The following CHID1 variants were observed in gnomAD, a reference collection of about 807,000 sequenced individuals.
CHID1 encodes chitinase domain-containing protein 1.
Under a neutral mutation model 55.4 loss-of-function variants are expected in CHID1, and 44 were observed. That is an observed-to-expected ratio of 0.79 (90% CI 0.62 to 1.02). The LOEUF (loss-of-function observed/expected upper bound fraction) is 1.02. CHID1 is among the 50% of genes least tolerant of loss of function. The pLI is 0.00. For missense variants in CHID1, 491 were observed against 515.3 expected (o/e 0.95, Z 0.46); for synonymous variants, 216 against 212.9 (o/e 1.01, Z -0.13).
chr11:914,547 C>T, upstream of CHID1: 2 of 1,289,402 alleles, frequency 1.6e-6, no homozygotes, highest in Non-Finnish European at 2.0e-6. Context: ...GGTCCCCAGC[C>T]TGAGGATGCC....
At chr11:892,165 C>T (rs1275466999) in intron 8 of CHID1, among the ~76,000 whole-genome samples, 4 of 152,136 alleles carry the variant, frequency 2.6e-5, no homozygotes, top group East Asian at 3.9e-4. Flanking sequence ...GCCCCACACC[C>T]GGGACACAGG....
chr11:885,306 G>A (rs918219045), intron 8 of CHID1, among the ~76,000 whole-genome samples: 25 of 152,300 alleles, frequency 1.6e-4, no homozygotes, highest in Middle Eastern at 6.8e-3. Context: ...TCTGAGGAGC[G>A]CCTCTCCAGA....
intron 8 of CHID1, among the ~76,000 whole-genome samples, chr11:886,105 C>T (rs1421507194): frequency 8.5e-5 from 12 of 141,174 alleles, no homozygotes; most frequent in African/African-American, 2.9e-4. Flanking sequence ...GAGCCGAGAT[C>T]GTGCCACTGC....
rs568353515 is a variant in CHID1 at position 875,008 on chromosome 11, C to A, written c.960-4509G>T. The A allele has an allele frequency of 2.0e-5, 3 of 152,534 alleles. No homozygotes were observed. Among genetic ancestry groups the A allele is most frequent in the Non-Finnish European group, 2.9e-5 (2 of 68,168 alleles). The allele number at this position is 152,534 out of a possible 1,614,324, so 9.4% of individuals were successfully genotyped here. On this transcript the variant is annotated intron_variant, in intron 10 of 12. Coordinates refer to ENST00000323578, the MANE Select transcript of CHID1 (RefSeq NM_023947.4). This position sits in a 1 kb window ranked among gnomAD's most constrained non-coding sequence, Gnocchi z 4.7. ...CCTCAGGAGCCCCCACAGGGCTCTGCAGCCAGCTCCAAGGAACGGGTCCAA... is the reference window on the plus strand; with the variant it reads ...CCTCAGGAGCCCCCACAGGGCTCTGAAGCCAGCTCCAAGGAACGGGTCCAA...
At chr11:902,935 C>T (rs1305587717) in intron 3 of CHID1, 27 bp downstream of exon 3, 1 of 1,607,056 alleles carries the variant, frequency 6.2e-7, no homozygotes, top group Non-Finnish European at 8.5e-7. Context: ...CAGGACCTCC[C>T]TCTGCACTGT....
chr11:869,641 G>C lies in CHID1; in HGVS notation c.*217C>G, dbSNP rs553724393. 425 of 589,154 alleles carry C rather than the reference G, an allele frequency of 7.2e-4. 6 individuals are homozygous for C. The South Asian group carries it at 8.4e-3, about 12-fold the overall frequency. The allele number at this position is 589,154 out of a possible 1,614,324, so 36.5% of individuals were successfully genotyped here. On this transcript the variant is annotated 3_prime_UTR_variant, in exon 13 of 13. Coordinates refer to ENST00000323578, the MANE Select transcript of CHID1 (RefSeq NM_023947.4). The stretch of plus-strand genomic sequence containing the variant: ...AGGCAGCCAGCGGATGCCCGGGTGG[G>C]AGGGGCTCGAGCTCTCAGGGTGTCC...
At chr11:884,965 C>A (rs539644218) in intron 8 of CHID1, among the ~76,000 whole-genome samples, 53 of 152,364 alleles carry the variant, frequency 3.5e-4, no homozygotes, top group South Asian at 1.7e-3. Flanking sequence ...GGGTGCTGGC[C>A]TACGGCCCCT....
chr11:885,790 G>A (rs1229967002), intron 8 of CHID1, among the ~76,000 whole-genome samples: 2 of 152,096 alleles, frequency 1.3e-5, no homozygotes, highest in Admixed American at 6.6e-5. Flanking sequence ...GCAGCGGCAC[G>A]ATCCTATCTC....
upstream of CHID1, chr11:914,216 A>G (rs1852834927): frequency 6.2e-6 from 1 of 162,138 alleles, no homozygotes; most frequent in Admixed American, 6.4e-5. Context: ...ATCAAATCCT[A>G]ATTGTTGAAA....
Position 892,095 on chromosome 11 carries a change from A to T in CHID1, c.701+1332T>A, listed in dbSNP as rs564104208. 8.5e-5 allele frequency among the ~76,000 whole-genome samples: 13 copies of T among 152,284 alleles called. No individual in the cohort carries two copies. The East Asian group carries it at 2.5e-3, about 29-fold the overall frequency. On this transcript the variant is annotated intron_variant, in intron 8 of 12. Coordinates refer to ENST00000323578, the MANE Select transcript of CHID1 (RefSeq NM_023947.4). ...GCACCACTGCACTCCAGCCTGGGCG[A>T]CAGAGTGAGACTCTATCTCAAAAAA...
chr11:883,149 T>G lies in CHID1; in HGVS notation c.958A>C (p.Arg320=). ...CGGCAGGGAGAGCCCTTGGCTCACCTGGCCCCGACAACAGGCTCACGGGCA... is the reference window on the plus strand; with the variant it reads ...CGGCAGGGAGAGCCCTTGGCTCACCGGGCCCCGACAACAGGCTCACGGGCA... ...KDAREPVVGA[R]YIQTLKDHRP... Residue 320 remains arginine, a splice_region_variant and synonymous_variant, in exon 10 of 13, where the codon AGG becomes CGG. Transcript: ENST00000323578. 1 of 1,609,278 alleles carries G rather than the reference T, an allele frequency of 6.2e-7. No homozygotes were observed. The highest frequency in any genetic ancestry group is 8.5e-7 in the Non-Finnish European group (1 of 1,176,078).
At chr11:910,098 C>T (rs1302590745) in intron 1 of CHID1, among the ~76,000 whole-genome samples, 2 of 152,046 alleles carry the variant, frequency 1.3e-5, no homozygotes, top group African/African-American at 4.8e-5. Context: ...CGCTGGCGCA[C>T]ACCTGTAGTC....
In CHID1 at chr11:875,848, G is replaced by A. The variant is rs931461854; in HGVS notation, c.960-5349C>T. Among the ~76,000 whole-genome samples, 3 of 152,108 alleles carry A rather than the reference G, an allele frequency of 2.0e-5. No homozygotes were observed. The highest frequency in any genetic ancestry group is 2.9e-5 in the Non-Finnish European group (2 of 68,030). On this transcript the variant is annotated intron_variant, in intron 10 of 12. Transcript: ENST00000323578. The surrounding 1 kb of genome is among the most constrained non-coding windows in gnomAD (Gnocchi z 4.7). ...GCCGGCCTCCCAGACGTCCCCTGGC[G>A]GGTGACAGACAGGATGAAGGAACGA...
At chr11:879,732 C>G (rs1298377769) in intron 10 of CHID1, among the ~76,000 whole-genome samples, 1 of 152,236 alleles carries the variant, frequency 6.6e-6, no homozygotes, top group Non-Finnish European at 1.5e-5. Context: ...TTTCAAAAGC[C>G]CAACCAGAAT....
chr11:880,297 G>A (rs995159218), intron 10 of CHID1, among the ~76,000 whole-genome samples: 22 of 152,210 alleles, frequency 1.4e-4, no homozygotes, highest in African/African-American at 5.1e-4. Flanking sequence ...CTGACCCCAG[G>A]CCCACCTCAG....
At chr11:891,687 C>G (rs1850835709) in intron 8 of CHID1, among the ~76,000 whole-genome samples, 1 of 152,192 alleles carries the variant, frequency 6.6e-6, no homozygotes, top group Non-Finnish European at 1.5e-5. Context: ...GTCTGCTGCC[C>G]CGAGGAATCT....
intron 10 of CHID1, among the ~76,000 whole-genome samples, chr11:882,116 G>A (rs991658642): frequency 6.6e-6 from 1 of 152,150 alleles, no homozygotes; most frequent in Non-Finnish European, 1.5e-5. Context: ...CATGAGGTCA[G>A]GAGATCGAGA....
In CHID1 at chr11:904,702, T is replaced by G. The variant is rs751772176; in HGVS notation, c.111+4A>C. Reference sequence around the variant, plus strand: ...GTCACCTCAAGTCCCCAGGCCACCCTTACCTTCTCCAGCAGCGTCTTTGAG... The same window carrying G: ...GTCACCTCAAGTCCCCAGGCCACCCGTACCTTCTCCAGCAGCGTCTTTGAG... On this transcript the variant is annotated splice_donor_region_variant and intron_variant, in intron 2 of 12. Coordinates refer to ENST00000323578, the MANE Select transcript of CHID1 (RefSeq NM_023947.4). 19 of 1,614,096 alleles carry G rather than the reference T, an allele frequency of 1.2e-5. No individual in the cohort carries two copies. The South Asian group carries it at 2.1e-4, about 18-fold the overall frequency.
intron 8 of CHID1, among the ~76,000 whole-genome samples, chr11:889,901 C>T (rs1002242586): frequency 1.3e-5 from 2 of 152,224 alleles, no homozygotes; most frequent in Admixed American, 6.5e-5. Context: ...CCCCCTCTGC[C>T]CACCTGTCAG....
Sources: gnomAD v4.1 joint callset for allele counts (sites outside exome capture counted in the v4.1 genomes callset) on GRCh38, gnomAD v4.1.1 for gene constraint, Gnocchi (gnomAD v3.1) non-coding constraint, MANE v1.5 for transcripts, NCBI Gene and HGNC (gene_info 2026-07-23, HGNC 2026-07-21) for gene names.